The following ACSL1 variants were observed in gnomAD, a reference collection of about 807,000 sequenced individuals.
ACSL1 encodes the protein long-chain-fatty-acid--CoA ligase 1.
Under a neutral mutation model 98.4 loss-of-function variants are expected in ACSL1, and 41 were observed. The observed-to-expected ratio is 0.42, with a 90% confidence interval of 0.32 to 0.54. ACSL1 has a LOEUF of 0.54. ACSL1 is among the 20% of genes least tolerant of loss of function. ACSL1 has a pLI of 0.13. For synonymous variants in ACSL1, 316 were observed against 322.7 expected (o/e 0.98, Z 0.22); for missense variants, 734 against 883.1 (o/e 0.83, Z 2.14).
chr4:184,813,634 C>T (rs554355509), intron 1 of ACSL1: 86 of 308,832 alleles, frequency 2.8e-4, no homozygotes, highest in Non-Finnish European at 5.1e-4. Context: ...ACAAGCACGG[C>T]CTGTTATTAC....
intron 1 of ACSL1, chr4:184,821,026 C>A: frequency 2.2e-6 from 1 of 456,248 alleles, no homozygotes; most frequent in South Asian, 1.5e-5. Flanking sequence ...TGCACCTGTT[C>A]CTTTATCTTG....
At chr4:184,816,591 T>C in intron 1 of ACSL1, among the ~76,000 whole-genome samples, 1 of 152,294 alleles carries the variant, frequency 6.6e-6, no homozygotes, top group Middle Eastern at 3.4e-3. Flanking sequence ...TAAAATTTAT[T>C]ATGAAAATTC....
At position 184,763,239 on chromosome 4, in the gene ACSL1, C is replaced by T. The variant is rs774184895; in HGVS notation, c.1449G>A (p.Pro483=). 9.9e-6 allele frequency: 16 copies of T among 1,613,880 alleles called. No homozygotes were observed. Among genetic ancestry groups the T allele is most frequent in the African/African-American group, 2.7e-5 (2 of 74,920 alleles). ...GDWTAGHVGA[P]MPCNLIKLVD... The stretch of plus-strand genomic sequence containing the variant: ...CAAGTTTTATCAAATTGCACGGCAT[C>T]GGGGCCCCAACATGGCCTGTATATT... The change falls in exon 16 of 21, where the codon CCG becomes CCA. Residue 483 remains proline, a synonymous_variant. Transcript: ENST00000281455.
chr4:184,819,840 C>A (rs1201645125), intron 1 of ACSL1, among the ~76,000 whole-genome samples: 1 of 152,158 alleles, frequency 6.6e-6, no homozygotes, highest in Non-Finnish European at 1.5e-5. Context: ...CCCTGCCCCT[C>A]TTCCTAACAA....
intron 4 of ACSL1, among the ~76,000 whole-genome samples, chr4:184,781,418 T>C (rs1766253951): frequency 6.6e-6 from 1 of 151,884 alleles, no homozygotes; most frequent in Non-Finnish European, 1.5e-5. Context: ...CTTAGGACAA[T>C]ATTACAATGA....
intron 1 of ACSL1, among the ~76,000 whole-genome samples, chr4:184,811,957 G>A (rs1772158407): frequency 6.6e-6 from 1 of 152,134 alleles, no homozygotes; most frequent in African/African-American, 2.4e-5. Context: ...GGAGGAGACA[G>A]GAGGGTGATT....
At chr4:184,815,189 G>C (rs1484496386) in intron 1 of ACSL1, 3 of 443,054 alleles carry the variant, frequency 6.8e-6, no homozygotes, top group Non-Finnish European at 1.4e-5. Context: ...GAGAGCTGAG[G>C]GTGGAACCAG....
chr4:184,774,531 G>A (rs1014042305), intron 7 of ACSL1, among the ~76,000 whole-genome samples: 9 of 152,142 alleles, frequency 5.9e-5, no homozygotes, highest in East Asian at 1.9e-4. Flanking sequence ...AGCATTGCGC[G>A]GGGACAGCAT....
Position 184,776,864 on chromosome 4 carries a change from G to A in ACSL1, c.577+20C>T, listed in dbSNP as rs1229759055. The A allele has an allele frequency of 3.7e-6, 6 of 1,610,390 alleles. No homozygotes were observed. Among genetic ancestry groups the A allele is most frequent in the Non-Finnish European group, 5.1e-6 (6 of 1,176,958 alleles). ...AACCAATAACTATGCCAATAATCCA[G>A]GCAAAGATCACAGACGTACCTTTGT... On this transcript the variant is annotated intron_variant, in intron 6 of 20. Transcript: ENST00000281455.
intron 1 of ACSL1, chr4:184,821,170 T>C (rs1773044171): frequency 4.4e-6 from 2 of 452,742 alleles, no homozygotes; most frequent in Non-Finnish European, 8.9e-6. Flanking sequence ...AGCCTGGCCG[T>C]GTCCAGGCTG....
At chr4:184,759,218 T>C (rs967121129) in intron 18 of ACSL1, among the ~76,000 whole-genome samples, 1 of 152,220 alleles carries the variant, frequency 6.6e-6, no homozygotes. Flanking sequence ...TACGTGTGCA[T>C]GTGTCTTTAA....
intron 5 of ACSL1, among the ~76,000 whole-genome samples, chr4:184,779,774 T>C (rs531703699): frequency 3.3e-5 from 5 of 152,358 alleles, no homozygotes; most frequent in East Asian, 3.9e-4. Flanking sequence ...AGGATTTTAT[T>C]TGGGAACCTG....
At chr4:184,777,058 A>C (rs1333590530) in intron 5 of ACSL1, 75 bp from the exon 6 acceptor site, 5 of 1,314,244 alleles carry the variant, frequency 3.8e-6, no homozygotes, top group Non-Finnish European at 5.4e-6. Flanking sequence ...AATACTCAAG[A>C]GAGATTCAAA....
intron 1 of ACSL1, among the ~76,000 whole-genome samples, chr4:184,824,488 T>C (rs1031074030): frequency 2.0e-5 from 3 of 152,182 alleles, no homozygotes; most frequent in African/African-American, 7.2e-5. Flanking sequence ...TTAATATGTC[T>C]GTTTTAAAGG....
intron 2 of ACSL1, among the ~76,000 whole-genome samples, chr4:184,792,816 AG>A (rs1264054228): frequency 1.3e-5 from 2 of 152,226 alleles, no homozygotes; most frequent in African/African-American, 4.8e-5. Flanking sequence ...TACACAAGCA[AG>A]GGGTTGCAAG....
chr4:184,765,793 G>A lies in ACSL1; in HGVS notation c.1359+98C>T, dbSNP rs529011429. ...ATAGATACGCTTGTCAATTAAGAAA[G>A]AACACACACACACACACACAGTACA... On this transcript the variant is annotated intron_variant, in intron 14 of 20. Transcript: ENST00000281455. 19 of 935,594 alleles carry A rather than the reference G, an allele frequency of 2.0e-5. No individual in the cohort carries two copies. The African/African-American group carries it at 2.5e-4, about 13-fold the overall frequency. 58.0% of individuals were successfully genotyped at this position (935,594 alleles called of 1,614,324 possible).
intron 2 of ACSL1, among the ~76,000 whole-genome samples, 180 bp from the exon 3 acceptor site, chr4:184,788,911 A>G (rs184194402): frequency 1.3e-5 from 2 of 152,376 alleles, no homozygotes; most frequent in East Asian, 3.9e-4. Context: ...GTTATTAACT[A>G]CAGTCACCAA....
intron 1 of ACSL1, among the ~76,000 whole-genome samples, chr4:184,804,237 A>C (rs2150447752): frequency 6.6e-6 from 1 of 152,366 alleles, no homozygotes; most frequent in South Asian, 2.1e-4. Context: ...AGATATCTAA[A>C]GAGGGAATAC....
chr4:184,801,083 T>C (rs570845114), intron 2 of ACSL1, among the ~76,000 whole-genome samples: 2 of 152,316 alleles, frequency 1.3e-5, no homozygotes, highest in South Asian at 4.1e-4. Flanking sequence ...CTCAAACTCC[T>C]GGCCTCAAGC....
Sources: gnomAD v4.1 joint callset for allele counts (sites outside exome capture counted in the v4.1 genomes callset) on GRCh38, gnomAD v4.1.1 for gene constraint, MANE v1.5 for transcripts, NCBI Gene and HGNC (gene_info 2026-07-23, HGNC 2026-07-21) for gene names.